The following NTRK2 variants were observed in gnomAD, a reference collection of about 807,000 sequenced individuals.
NTRK2 encodes BDNF/NT-3 growth factors receptor.
A neutral mutation model predicts 94.5 loss-of-function variants in NTRK2; 13 were observed. That is an observed-to-expected ratio of 0.14 (90% confidence interval 0.09 to 0.22). The LOEUF (loss-of-function observed/expected upper bound fraction) is 0.22, where lower values mean the gene tolerates loss of function less well. Among genes scored for constraint, NTRK2 ranks in the 10% least tolerant of loss-of-function variants. NTRK2 has a pLI of 1.00. For missense variants in NTRK2, 639 were observed against 1,071.2 expected (o/e 0.60, Z 5.63); for synonymous variants, 372 against 407.4 (o/e 0.91, Z 1.05).
intron 6 of NTRK2, among the ~76,000 whole-genome samples, chr9:84,720,763 T>C (rs1204905550): frequency 1.3e-5 from 2 of 151,968 alleles, no homozygotes; most frequent in East Asian, 3.9e-4. Flanking sequence ...TAAGAGACAT[T>C]GCATCCATGG....
At chr9:84,737,446 G>C (rs763531627) in intron 9 of NTRK2, among the ~76,000 whole-genome samples, 2 of 152,186 alleles carry the variant, frequency 1.3e-5, no homozygotes, top group Non-Finnish European at 2.9e-5. Flanking sequence ...ATTTTGCATG[G>C]AATTAGGAGG....
intron 12 of NTRK2, among the ~76,000 whole-genome samples, chr9:84,758,337 T>C (rs1418450460): frequency 5.3e-5 from 8 of 151,982 alleles, no homozygotes; most frequent in Admixed American, 5.2e-4. Context: ...ATTTCACTAG[T>C]TTTTTACTCT....
At chr9:84,711,400 C>G (rs1048277309) in intron 6 of NTRK2, among the ~76,000 whole-genome samples, 4 of 152,122 alleles carry the variant, frequency 2.6e-5, no homozygotes, top group Non-Finnish European at 5.9e-5. Flanking sequence ...AAAAGGGCAC[C>G]GAATGGCAAA....
At chr9:84,787,759 A>G (rs764053448) in intron 12 of NTRK2, among the ~76,000 whole-genome samples, 5 of 152,204 alleles carry the variant, frequency 3.3e-5, no homozygotes, top group Admixed American at 6.5e-5. Context: ...CTCCTACTGT[A>G]TAGAGTTGTT....
At chr9:84,717,038 G>T (rs887409458) in intron 6 of NTRK2, among the ~76,000 whole-genome samples, 1 of 152,244 alleles carries the variant, frequency 6.6e-6, no homozygotes, top group African/African-American at 2.4e-5. Flanking sequence ...GGGTAGAGGG[G>T]AAGGTTATAG....
Position 84,681,317 on chromosome 9 carries a change from T to C in NTRK2, c.212+10357T>C, listed in dbSNP as rs1587895072. Among the ~76,000 whole-genome samples the C allele has an allele frequency of 3.3e-5, 5 of 152,220 alleles. No homozygotes were observed. The South Asian group carries it at 1.0e-3, about 32-fold the overall frequency. On this transcript the variant is annotated intron_variant, in intron 2 of 18. Coordinates refer to ENST00000277120, the MANE Select transcript of NTRK2 (RefSeq NM_006180.6). ...AATGGCACCATTATCCACTCAGTAA[T>C]ACAAGCCACAAACCGTGACTCTTCC...
At chr9:84,789,866 C>T (rs1016537193) in intron 12 of NTRK2, among the ~76,000 whole-genome samples, 5 of 152,166 alleles carry the variant, frequency 3.3e-5, no homozygotes, top group African/African-American at 1.2e-4. Context: ...TGATTGGTAA[C>T]TAAACAGCTT....
chr9:85,010,153 GCT>G (rs1390685356), intron 17 of NTRK2, among the ~76,000 whole-genome samples: 1 of 152,154 alleles, frequency 6.6e-6, no homozygotes, highest in Non-Finnish European at 1.5e-5. Context: ...TGCTTTTCTG[GCT>G]CTGTTTACAA....
intron 14 of NTRK2, among the ~76,000 whole-genome samples, chr9:84,919,905 G>C (rs1019679987): frequency 2.0e-5 from 3 of 152,186 alleles, no homozygotes; most frequent in Non-Finnish European, 4.4e-5. Flanking sequence ...CTAGAAAAAG[G>C]AAATCAAAGG....
chr9:84,960,068 G>C (rs556812852), intron 17 of NTRK2, among the ~76,000 whole-genome samples: 1 of 152,290 alleles, frequency 6.6e-6, no homozygotes, highest in East Asian at 1.9e-4. Flanking sequence ...AAAAGAAAAG[G>C]AAGAAGAATA....
intron 15 of NTRK2, among the ~76,000 whole-genome samples, chr9:84,940,196 G>A (rs958921896): frequency 2.6e-5 from 4 of 152,178 alleles, no homozygotes; most frequent in African/African-American, 9.7e-5. Context: ...TATTAGAGAT[G>A]CTATAACTAA....
intron 12 of NTRK2, among the ~76,000 whole-genome samples, chr9:84,759,672 A>T (rs561683068): frequency 4.6e-5 from 7 of 152,340 alleles, no homozygotes; most frequent in African/African-American, 1.7e-4. Context: ...TGACCTCCTC[A>T]CATAGCTTAT....
chr9:84,721,836 A>G (rs2062087442), intron 6 of NTRK2, among the ~76,000 whole-genome samples: 1 of 152,168 alleles, frequency 6.6e-6, no homozygotes, highest in African/African-American at 2.4e-5. Flanking sequence ...AGAATTATCA[A>G]CTCTTGTGAC....
chr9:84,712,696 A>G (rs1396711705), intron 6 of NTRK2, among the ~76,000 whole-genome samples: 1 of 152,168 alleles, frequency 6.6e-6, no homozygotes, highest in East Asian at 1.9e-4. Flanking sequence ...CATGTATTAT[A>G]TTGATATGTC....
At chr9:84,739,230 T>G (rs1478204840) in intron 9 of NTRK2, among the ~76,000 whole-genome samples, 1 of 152,176 alleles carries the variant, frequency 6.6e-6, no homozygotes, top group East Asian at 1.9e-4. Flanking sequence ...TTTGTATTTT[T>G]AATACAGATG....
At chr9:84,857,015 C>T (rs1170978610) in intron 12 of NTRK2, among the ~76,000 whole-genome samples, 1 of 152,168 alleles carries the variant, frequency 6.6e-6, no homozygotes. Context: ...GTTCCCAGCT[C>T]CTTCCTCTGA....
chr9:84,792,749 A>C (rs1278256952), intron 12 of NTRK2, among the ~76,000 whole-genome samples: 1 of 152,324 alleles, frequency 6.6e-6, no homozygotes, highest in African/African-American at 2.4e-5. Flanking sequence ...TCACCATTTA[A>C]AAATAAGAAT....
chr9:84,959,160 T>C (rs776044747), intron 17 of NTRK2, among the ~76,000 whole-genome samples: 3 of 152,238 alleles, frequency 2.0e-5, no homozygotes, highest in Non-Finnish European at 4.4e-5. Context: ...ATTTTATCCC[T>C]ATCCTCTTCA....
At chr9:84,769,755 A>G (rs1485830461) in intron 12 of NTRK2, among the ~76,000 whole-genome samples, 3 of 152,182 alleles carry the variant, frequency 2.0e-5, no homozygotes, top group African/African-American at 7.2e-5. Flanking sequence ...CCACAACAGT[A>G]GTGGGTTGAG....
Sources: allele counts gnomAD v4.1 joint callset (sites outside exome capture counted in the v4.1 genomes callset), GRCh38; gene constraint gnomAD v4.1.1; transcripts MANE v1.5; gene names NCBI Gene and HGNC (gene_info 2026-07-23, HGNC 2026-07-21).